Variants in KCNQ1 observed in about 807,000 individuals in gnomAD.
KCNQ1 encodes the protein potassium voltage-gated channel subfamily Q member 1, also known as potassium voltage-gated channel subfamily KQT member 1.
KCNQ1 carries 49 observed loss-of-function variants against 72.4 expected under a neutral mutation model. The observed-to-expected ratio is 0.68, with a 90% CI of 0.54 to 0.86. The LOEUF is 0.86. KCNQ1 is among the 40% of genes least tolerant of loss of function. The pLI, the probability that KCNQ1 is intolerant of heterozygous loss-of-function variation, is 0.00. For missense variants in KCNQ1, 790 were observed against 945.1 expected, an observed-to-expected ratio of 0.84 and a Z score of 2.15; for synonymous variants, 450 against 412.6, an observed-to-expected ratio of 1.09 and a Z score of -1.10.
chr11:2,610,623 C>T (rs1848964156), intron 10 of KCNQ1: 3 of 396,978 alleles, frequency 7.6e-6, no homozygotes, highest in African/African-American at 2.1e-5. Flanking sequence ...AACTGGTCTG[C>T]TAACAAGGAA....
chr11:2,542,625 C>T (rs1184030459), intron 2 of KCNQ1, among the ~76,000 whole-genome samples: 1 of 152,234 alleles, frequency 6.6e-6, no homozygotes, highest in East Asian at 1.9e-4. Flanking sequence ...TCCGCTGCTC[C>T]TGGCTCCGGA....
chr11:2,531,558 G>A (rs1223060846), intron 2 of KCNQ1, among the ~76,000 whole-genome samples: 4 of 152,186 alleles, frequency 2.6e-5, no homozygotes, highest in African/African-American at 9.7e-5. Flanking sequence ...GGGTCTGTGC[G>A]CCACCTGGTG....
intron 1 of KCNQ1, among the ~76,000 whole-genome samples, chr11:2,476,556 G>T (rs1220069353): frequency 6.6e-6 from 1 of 152,094 alleles, no homozygotes; most frequent in Non-Finnish European, 1.5e-5. Context: ...AGACTTGAGG[G>T]TTCTTTTTGG....
intron 15 of KCNQ1, among the ~76,000 whole-genome samples, chr11:2,800,251 G>T (rs1002071175): frequency 2.0e-5 from 3 of 152,246 alleles, no homozygotes; most frequent in African/African-American, 7.2e-5. Context: ...AGTGGCCTGA[G>T]GGTGTGGGAG....
At chr11:2,747,910 A>AG (rs961144705) in intron 11 of KCNQ1, among the ~76,000 whole-genome samples, 11 of 152,150 alleles carry the variant, frequency 7.2e-5, no homozygotes, top group African/African-American at 2.7e-4. Context: ...ATGGGGAGCG[A>AG]TAAGGGCTGT....
At chr11:2,719,711 C>A (rs181336631) in intron 11 of KCNQ1, among the ~76,000 whole-genome samples, 4 of 152,296 alleles carry the variant, frequency 2.6e-5, no homozygotes, top group Admixed American at 2.6e-4. Context: ...GTCCTGCCCT[C>A]GGATCATTTG....
chr11:2,679,981 C>T lies in KCNQ1; in HGVS notation c.1514+17900C>T, dbSNP rs566009756. ...CAGTCTCGGCTTACTGCAACCTCTACCTCCTGGGTTCAAGCAATTCTCCTG... is the reference window on the plus strand; with the variant it reads ...CAGTCTCGGCTTACTGCAACCTCTATCTCCTGGGTTCAAGCAATTCTCCTG... On this transcript the variant is annotated intron_variant, in intron 11 of 15. Coordinates refer to ENST00000155840, the MANE Select transcript of KCNQ1 (RefSeq NM_000218.3). The surrounding 1 kb of genome is among the most constrained non-coding windows in gnomAD (Gnocchi z 4.8). 1.8e-4 allele frequency: 70 copies of T among 397,074 alleles called. No individual in the cohort carries two copies. The highest frequency in any genetic ancestry group is 1.1e-3 in the African/African-American group (53 of 48,602). 24.6% of individuals were successfully genotyped at this position (397,074 alleles called of 1,614,324 possible).
intron 15 of KCNQ1, among the ~76,000 whole-genome samples, chr11:2,822,737 C>A (rs1340001193): frequency 6.6e-6 from 1 of 152,048 alleles, no homozygotes; most frequent in Non-Finnish European, 1.5e-5. Flanking sequence ...AAGGTGGAGT[C>A]CTTGGCAGGG....
chr11:2,690,710 C>A lies in KCNQ1; in HGVS notation c.1514+28629C>A. On this transcript the variant is annotated intron_variant, in intron 11 of 15. Coordinates refer to ENST00000155840, the MANE Select transcript of KCNQ1 (RefSeq NM_000218.3). The surrounding 1 kb of genome is among the most constrained non-coding windows in gnomAD (Gnocchi z 5.1). ...TCTCTCAGAATTCCTGAGGGCTTTCCATTTGATCCCAGTGGTTGAAGATGG... is the reference window on the plus strand; with the variant it reads ...TCTCTCAGAATTCCTGAGGGCTTTCAATTTGATCCCAGTGGTTGAAGATGG... 2.5e-6 allele frequency: 1 copy of A among 398,642 alleles called. No homozygotes were observed. Among genetic ancestry groups the A allele is most frequent in the Non-Finnish European group, 4.4e-6 (1 of 226,084 alleles). 24.7% of individuals were successfully genotyped at this position (398,642 alleles called of 1,614,324 possible).
Position 2,617,618 on chromosome 11 carries a change from A to G in KCNQ1, c.1393+28764A>G, listed in dbSNP as rs1849088632. On this transcript the variant is annotated intron_variant, in intron 10 of 15. Coordinates refer to ENST00000155840, the MANE Select transcript of KCNQ1 (RefSeq NM_000218.3). This position sits in a 1 kb window ranked among gnomAD's most constrained non-coding sequence, Gnocchi z 4.6. Reference sequence around the variant, plus strand: ...TGGGTCAGATGATAGTATATTTTCAATTTCTTTAGGAGCCACCATTCTGTT... The same window carrying G: ...TGGGTCAGATGATAGTATATTTTCAGTTTCTTTAGGAGCCACCATTCTGTT... The G allele has an allele frequency of 2.5e-6, 1 of 398,320 alleles. No homozygotes were observed. Among genetic ancestry groups the G allele is most frequent in the South Asian group, 1.3e-4 (1 of 7,864 alleles). The allele number at this position is 398,320 out of a possible 1,614,324, so 24.7% of individuals were successfully genotyped here.
At chr11:2,510,700 C>T (rs1278409552) in intron 1 of KCNQ1, among the ~76,000 whole-genome samples, 2 of 152,250 alleles carry the variant, frequency 1.3e-5, no homozygotes, top group African/African-American at 4.8e-5. Context: ...ACCCTTCCTT[C>T]CAGCTGGTCT....
intron 6 of KCNQ1, among the ~76,000 whole-genome samples, chr11:2,574,674 C>T (rs1358630833): frequency 2.0e-5 from 3 of 152,218 alleles, no homozygotes; most frequent in Non-Finnish European, 4.4e-5. Flanking sequence ...CTCCTCCCTC[C>T]CCCTCAACCG....
At chr11:2,737,831 G>A (rs1473932170) in intron 11 of KCNQ1, among the ~76,000 whole-genome samples, 2 of 152,330 alleles carry the variant, frequency 1.3e-5, no homozygotes, top group South Asian at 2.1e-4. Context: ...GATGCCTGCT[G>A]TTGTGATCAT....
At chr11:2,466,771 G>T (rs1250375817) in intron 1 of KCNQ1, among the ~76,000 whole-genome samples, 2 of 152,088 alleles carry the variant, frequency 1.3e-5, no homozygotes, top group Admixed American at 6.5e-5. Context: ...TGAGCTCCAT[G>T]TTCCTTAGCC....
Position 2,470,488 on chromosome 11 carries a change from G to A in KCNQ1, c.386+25004G>A, listed in dbSNP as rs184659368. ...AGGCGGAAGAACATCTCGTTATCTC[G>A]TCTCGCCTTTGTTCTGTGCCTGGGA... On this transcript the variant is annotated intron_variant, in intron 1 of 15. Coordinates refer to ENST00000155840, the MANE Select transcript of KCNQ1 (RefSeq NM_000218.3). Among the ~76,000 whole-genome samples the A allele has an allele frequency of 7.7e-4, 117 of 152,202 alleles. 1 individual carries two copies. Among genetic ancestry groups the A allele is most frequent in the Admixed American group, 2.1e-3 (32 of 15,290 alleles).
intron 6 of KCNQ1, among the ~76,000 whole-genome samples, chr11:2,575,360 G>A (rs1020266738): frequency 3.9e-5 from 6 of 152,102 alleles, no homozygotes; most frequent in South Asian, 2.1e-4. Flanking sequence ...GCCCCTGGTC[G>A]CCCTGGGCCC....
intron 11 of KCNQ1, chr11:2,692,781 G>C: frequency 2.5e-6 from 1 of 398,638 alleles, no homozygotes. Context: ...CTGAGTGTTT[G>C]ACAAATATTT....
Position 2,642,983 on chromosome 11 carries a change from T to G in KCNQ1, c.1394-18978T>G, listed in dbSNP as rs575213264. 5.0e-6 allele frequency: 2 copies of G among 397,968 alleles called. No individual in the cohort carries two copies. Among genetic ancestry groups the G allele is most frequent in the South Asian group, 1.3e-4 (1 of 7,844 alleles). The allele number at this position is 397,968 out of a possible 1,614,324, so 24.7% of individuals were successfully genotyped here. A position where few individuals can be genotyped will look rare whatever the true frequency, so the allele number is the denominator to read the frequency against. The stretch of plus-strand genomic sequence containing the variant: ...ATACAGTTTTGAATGCTCCTCTTAT[T>G]TATTTATAGTTTTATGCTATTGTGG... On this transcript the variant is annotated intron_variant, in intron 10 of 15. Coordinates refer to ENST00000155840, the MANE Select transcript of KCNQ1 (RefSeq NM_000218.3). The surrounding 1 kb of genome is among the most constrained non-coding windows in gnomAD (Gnocchi z 4.3).
At chr11:2,609,733 T>C (rs1848947467) in intron 10 of KCNQ1, 2 of 398,372 alleles carry the variant, frequency 5.0e-6, no homozygotes, top group Non-Finnish European at 8.9e-6. Flanking sequence ...TTATAATCAT[T>C]GTATCTTCTC....
Sources: gnomAD v4.1 joint callset for allele counts (sites outside exome capture counted in the v4.1 genomes callset) on GRCh38, gnomAD v4.1.1 for gene constraint, Gnocchi (gnomAD v3.1) non-coding constraint, MANE v1.5 for transcripts, NCBI Gene and HGNC (gene_info 2026-07-23, HGNC 2026-07-21) for gene names.